The following DHRS3 variants were observed in gnomAD, a reference collection of about 807,000 sequenced individuals.
DHRS3 encodes the protein dehydrogenase/reductase 3.
DHRS3 carries 14 observed loss-of-function variants against 27.2 expected under a neutral mutation model. The observed-to-expected ratio is 0.52, with a 90% CI of 0.34 to 0.81. DHRS3 has a LOEUF of 0.81. DHRS3 is among the 30% of genes least tolerant of loss of function. DHRS3 has a pLI of 0.01. For missense variants in DHRS3, 322 were observed against 406.2 expected, an observed-to-expected ratio of 0.79 and a Z score of 1.78; for synonymous variants, 165 against 175.9, an observed-to-expected ratio of 0.94 and a Z score of 0.49.
intron 1 of DHRS3, among the ~76,000 whole-genome samples, chr1:12,602,285 A>G (rs1238876480): frequency 6.6e-6 from 1 of 152,170 alleles, no homozygotes; most frequent in Admixed American, 6.5e-5. Flanking sequence ...AGAAAGGCCT[A>G]TGTTGGACCA....
Position 12,617,520 on chromosome 1 carries a change from GAAAAAAAAAA to G in DHRS3, c.-182_-173del. 1 of 124,342 alleles carries G rather than the reference GAAAAAAAAAA, an allele frequency of 8.0e-6. No homozygotes were observed. Among genetic ancestry groups the G allele is most frequent in the East Asian group, 1.5e-4 (1 of 6,892 alleles). The allele number at this position is 124,342 out of a possible 1,614,324, so 7.7% of individuals were successfully genotyped here. Reference sequence around the variant, plus strand: ...AATGCAAAGCACCGGGTGAGAAAAAGAAAAAAAAAAAAAAAAAAAAGATAAATTCTCCTCT... The same window carrying G: ...AATGCAAAGCACCGGGTGAGAAAAAGAAAAAAAAAAGATAAATTCTCCTCT... On this transcript the variant is annotated 5_prime_UTR_variant, in exon 1 of 6. Transcript: ENST00000616661.
chr1:12,575,299 C>G (rs1283801628), intron 4 of DHRS3, among the ~76,000 whole-genome samples: 1 of 151,576 alleles, frequency 6.6e-6, no homozygotes, highest in Non-Finnish European at 1.5e-5. Context: ...TGCACTCTAG[C>G]CTGGGCGACA....
intron 1 of DHRS3, among the ~76,000 whole-genome samples, chr1:12,595,662 G>T (rs1283141263): frequency 2.6e-5 from 4 of 151,254 alleles, no homozygotes; most frequent in Non-Finnish European, 1.5e-5. Context: ...GGGGAAACAG[G>T]TTGGGGTCCT....
chr1:12,602,063 A>T (rs918916744), intron 1 of DHRS3, among the ~76,000 whole-genome samples: 4 of 152,194 alleles, frequency 2.6e-5, no homozygotes, highest in African/African-American at 9.7e-5. Flanking sequence ...GCCCCTGTGG[A>T]TATCAACAAG....
rs1646772216 is a variant in DHRS3 at position 12,594,466 on chromosome 1, A to G, written c.196-13800T>C. 1.3e-5 allele frequency among the ~76,000 whole-genome samples: 2 copies of G among 152,202 alleles called. No homozygotes were observed. The highest frequency in any genetic ancestry group is 4.8e-5 in the African/African-American group (2 of 41,434). ...TAGTAAGTAGTTTTCTAGCCACTAG[A>G]AAGTGCTAGATGTGCATGGGAGGAA... On this transcript the variant is annotated intron_variant, in intron 1 of 5. Transcript: ENST00000616661. This position sits in a 1 kb window ranked among gnomAD's most constrained non-coding sequence, Gnocchi z 4.1.
At chr1:12,595,445 C>A (rs1646787582) in intron 1 of DHRS3, among the ~76,000 whole-genome samples, 1 of 140,496 alleles carries the variant, frequency 7.1e-6, no homozygotes, top group Non-Finnish European at 1.5e-5. Context: ...GGCGGGGCTG[C>A]AGTGCCGGGT....
chr1:12,585,768 CA>C, intron 1 of DHRS3, among the ~76,000 whole-genome samples: 1 of 152,180 alleles, frequency 6.6e-6, no homozygotes, highest in Admixed American at 6.5e-5. Context: ...GCTGACAGGA[CA>C]AGGGTCCCAC....
intron 1 of DHRS3, among the ~76,000 whole-genome samples, chr1:12,606,615 G>A (rs903785566): frequency 2.0e-5 from 3 of 151,770 alleles, no homozygotes; most frequent in African/African-American, 4.8e-5. Flanking sequence ...TCAGCCTCCC[G>A]AGTAGCTGAG....
intron 1 of DHRS3, among the ~76,000 whole-genome samples, chr1:12,614,983 C>T (rs184711541): frequency 4.6e-5 from 7 of 152,290 alleles, no homozygotes; most frequent in Admixed American, 4.6e-4. Context: ...CTGTCCCCAA[C>T]CCATAATTTC....
chr1:12,578,945 G>A lies in DHRS3; in HGVS notation c.471C>T (p.Ala157=), dbSNP rs368694426. The A allele has an allele frequency of 2.1e-4, 345 of 1,612,392 alleles. No homozygotes were observed. The highest frequency in any genetic ancestry group is 2.8e-4 in the Non-Finnish European group (329 of 1,179,916). ...GCAGCTCCAGCATACGCGGCAGGAA[G>A]GCCTTGGTGGTCTGAGGGCAGATGG... ...NTLGQFWTTK[A]FLPRMLELQN... The change falls in exon 4 of 6, where the codon GCC becomes GCT. Residue 157 remains alanine (A), a synonymous_variant. Transcript: ENST00000616661. This position sits in a 1 kb window ranked among gnomAD's most constrained non-coding sequence, Gnocchi z 4.5.
intron 1 of DHRS3, among the ~76,000 whole-genome samples, chr1:12,614,090 C>T (rs760521728): frequency 3.9e-5 from 6 of 152,090 alleles, no homozygotes; most frequent in Admixed American, 1.3e-4. Flanking sequence ...GAGTTCCTGA[C>T]GTGGTATTAG....
At chr1:12,606,289 G>C (rs540947286) in intron 1 of DHRS3, among the ~76,000 whole-genome samples, 1 of 131,836 alleles carries the variant, frequency 7.6e-6, no homozygotes, top group African/African-American at 2.8e-5. Context: ...TGCTCTAACT[G>C]AAGAGGACTG....
At chr1:12,603,919 G>A (rs1339658787) in intron 1 of DHRS3, among the ~76,000 whole-genome samples, 4 of 152,168 alleles carry the variant, frequency 2.6e-5, no homozygotes, top group African/African-American at 7.2e-5. Flanking sequence ...ATACCAGGGC[G>A]TTCCCTGCCT....
intron 1 of DHRS3, among the ~76,000 whole-genome samples, chr1:12,587,447 T>C (rs953236244): frequency 1.3e-5 from 2 of 152,112 alleles, no homozygotes; most frequent in Admixed American, 1.3e-4. Context: ...TCACTGGAAG[T>C]CAACAGGCTA....
chr1:12,609,614 AT>A (rs1339403350), intron 1 of DHRS3, among the ~76,000 whole-genome samples: 1 of 152,148 alleles, frequency 6.6e-6, no homozygotes, highest in African/African-American at 2.4e-5. Flanking sequence ...TCTGGGTGAT[AT>A]TTTTGGAGGA....
chr1:12,577,127 G>A (rs1391730086), intron 4 of DHRS3, among the ~76,000 whole-genome samples: 2 of 152,000 alleles, frequency 1.3e-5, no homozygotes, highest in South Asian at 2.1e-4. Flanking sequence ...GGAAGCAGCT[G>A]CAATATATAA....
chr1:12,576,495 G>A (rs548135381), intron 4 of DHRS3, among the ~76,000 whole-genome samples: 2 of 151,910 alleles, frequency 1.3e-5, no homozygotes, highest in Admixed American at 1.3e-4. Context: ...CCGGGAGACG[G>A]AGCTTGCAGT....
At chr1:12,610,576 A>G (rs941309677) in intron 1 of DHRS3, among the ~76,000 whole-genome samples, 4 of 152,182 alleles carry the variant, frequency 2.6e-5, no homozygotes, top group Non-Finnish European at 5.9e-5. Flanking sequence ...CCCACCAACC[A>G]TTCATTCATT....
At chr1:12,595,462 C>A in intron 1 of DHRS3, among the ~76,000 whole-genome samples, 1 of 112,164 alleles carries the variant, frequency 8.9e-6, no homozygotes, top group South Asian at 3.4e-4. Flanking sequence ...GGGTGGGGAT[C>A]GGGCTGGGAT....
Sources: allele counts gnomAD v4.1 joint callset (sites outside exome capture counted in the v4.1 genomes callset), GRCh38; gene constraint gnomAD v4.1.1; non-coding constraint Gnocchi (gnomAD v3.1); transcripts MANE v1.5; gene names NCBI Gene and HGNC (gene_info 2026-07-23, HGNC 2026-07-21).